CD86: variants seen among roughly 807,000 people sequenced by gnomAD.
CD86 encodes CD86 molecule, also known as T-lymphocyte activation antigen CD86.
A neutral mutation model predicts 32.1 loss-of-function variants in CD86; 11 were observed. That is an observed-to-expected ratio of 0.34 (90% CI 0.22 to 0.57). The LOEUF (loss-of-function observed/expected upper bound fraction) is 0.57. CD86 is among the 20% of genes least tolerant of loss of function. The pLI is 0.86. For synonymous variants in CD86, 137 were observed against 135.3 expected (o/e 1.01, Z -0.09); for missense variants, 359 against 398.4 (o/e 0.90, Z 0.84).
intron 1 of CD86, 55 bp from the exon 2 acceptor site, chr3:122,091,546 C>T (rs1003729667): frequency 2.9e-6 from 4 of 1,387,912 alleles, no homozygotes; most frequent in Non-Finnish European, 4.1e-6. Flanking sequence ...TGGTGAACAT[C>T]GGTTTTCAGT....
intron 3 of CD86, among the ~76,000 whole-genome samples, chr3:122,104,308 C>T (rs2073057196): frequency 6.6e-6 from 1 of 152,126 alleles, no homozygotes; most frequent in Non-Finnish European, 1.5e-5. Flanking sequence ...TTCCCTTCAG[C>T]CTCCTCTAGG....
chr3:122,063,369 T>G (rs933936338), intron 1 of CD86, among the ~76,000 whole-genome samples: 5 of 152,092 alleles, frequency 3.3e-5, no homozygotes, highest in African/African-American at 1.2e-4. Flanking sequence ...GGAAACATAT[T>G]TGTGCACCAA....
intron 2 of CD86, among the ~76,000 whole-genome samples, chr3:122,098,069 C>G (rs776375730): frequency 6.6e-6 from 1 of 152,212 alleles, no homozygotes; most frequent in South Asian, 2.1e-4. Context: ...CAAGGCTTGT[C>G]AGATTAAGCC....
intron 1 of CD86, among the ~76,000 whole-genome samples, chr3:122,074,249 C>T (rs2072527574): frequency 6.6e-6 from 1 of 152,174 alleles, no homozygotes; most frequent in Non-Finnish European, 1.5e-5. Context: ...TGGGTTTCTA[C>T]TGCTCACAGG....
At chr3:122,078,081 C>T (rs1235329533) in intron 1 of CD86, 1 of 984,034 alleles carries the variant, frequency 1.0e-6, no homozygotes. Flanking sequence ...TAGGGAGTGG[C>T]ATGAGATAAA....
chr3:122,113,678 T>C (rs2073208040), intron 5 of CD86, among the ~76,000 whole-genome samples: 1 of 152,220 alleles, frequency 6.6e-6, no homozygotes, highest in Non-Finnish European at 1.5e-5. Context: ...TTCATGTCCT[T>C]ATAAACACCA....
chr3:122,093,022 C>A (rs1368815900), intron 2 of CD86, among the ~76,000 whole-genome samples: 1 of 152,192 alleles, frequency 6.6e-6, no homozygotes, highest in African/African-American at 2.4e-5. Context: ...GCTTCCAACC[C>A]CCAGGGCCCA....
intron 2 of CD86, among the ~76,000 whole-genome samples, chr3:122,095,629 A>G (rs2107530413): frequency 6.6e-6 from 1 of 152,268 alleles, no homozygotes; most frequent in Non-Finnish European, 1.5e-5. Flanking sequence ...CCTCATTAAA[A>G]CCATCACCTG....
intron 2 of CD86, among the ~76,000 whole-genome samples, chr3:122,100,498 G>A (rs575658748): frequency 6.7e-6 from 1 of 148,976 alleles, no homozygotes; most frequent in Admixed American, 6.7e-5. Context: ...AGGAAGTTTA[G>A]TAAAAGAAGG....
At chr3:122,073,436 C>T (rs937676472) in intron 1 of CD86, among the ~76,000 whole-genome samples, 1 of 151,990 alleles carries the variant, frequency 6.6e-6, no homozygotes, top group Non-Finnish European at 1.5e-5. Context: ...TCAGATATAT[C>T]TTTTGCAAAT....
chr3:122,103,285 T>C (rs2073038780), intron 2 of CD86, among the ~76,000 whole-genome samples: 1 of 152,160 alleles, frequency 6.6e-6, no homozygotes, highest in Non-Finnish European at 1.5e-5. Context: ...CTGAGGCTCA[T>C]AAAGATTGCA....
intron 1 of CD86, chr3:122,078,136 C>T (rs541571350): frequency 3.0e-4 from 231 of 772,812 alleles, no homozygotes; most frequent in Admixed American, 6.3e-4. Flanking sequence ...TGCTAATGGC[C>T]GGCCAGAGAA....
chr3:122,090,068 T>G (rs539456842), intron 1 of CD86, among the ~76,000 whole-genome samples: 1 of 152,324 alleles, frequency 6.6e-6, no homozygotes, highest in East Asian at 1.9e-4. Flanking sequence ...GTTACCTCTG[T>G]GGAAGAAAAC....
chr3:122,082,926 G>A (rs1439471373), intron 1 of CD86, among the ~76,000 whole-genome samples: 2 of 152,180 alleles, frequency 1.3e-5, no homozygotes, highest in South Asian at 2.1e-4. Context: ...TCCACTGTGG[G>A]ATCAGTCTTT....
At chr3:122,084,679 G>A (rs193157700) in intron 1 of CD86, among the ~76,000 whole-genome samples, 52 of 152,224 alleles carry the variant, frequency 3.4e-4, no homozygotes, top group African/African-American at 1.0e-3. Flanking sequence ...GACATCTTAC[G>A]TGGTGGCTCA....
chr3:122,103,433 G>A, intron 2 of CD86, 79 bp from the exon 3 acceptor site: 1 of 849,528 alleles, frequency 1.2e-6, no homozygotes, highest in Non-Finnish European at 1.9e-6. Context: ...TAGTATCTGG[G>A]TATTGTATAA....
chr3:122,104,790 C>CTGAGTAGCATT (rs1441991556), intron 3 of CD86, among the ~76,000 whole-genome samples: 3 of 152,272 alleles, frequency 2.0e-5, no homozygotes, highest in African/African-American at 7.2e-5. Flanking sequence ...CTTTTTATTG[C>CTGAGTAGCATT]TGAGTAGCAT....
chr3:122,084,394 C>T (rs1396664253), intron 1 of CD86, among the ~76,000 whole-genome samples: 1 of 152,230 alleles, frequency 6.6e-6, no homozygotes, highest in Non-Finnish European at 1.5e-5. Context: ...CATGCAGTCT[C>T]CATCATAGCT....
intron 3 of CD86, among the ~76,000 whole-genome samples, chr3:122,104,832 A>G (rs2073066264): frequency 6.6e-6 from 1 of 152,216 alleles, no homozygotes; most frequent in Non-Finnish European, 1.5e-5. Context: ...TCAGTAAAAG[A>G]CATTGGGTTG....
Sources: allele counts gnomAD v4.1 joint callset (sites outside exome capture counted in the v4.1 genomes callset), GRCh38; gene constraint gnomAD v4.1.1; transcripts MANE v1.5; gene names NCBI Gene and HGNC (gene_info 2026-07-23, HGNC 2026-07-21).